Variants in JPH2 observed in about 807,000 individuals in gnomAD.
JPH2 encodes the protein junctophilin-2.
Under a neutral mutation model 55.9 loss-of-function variants are expected in JPH2, and 38 were observed. That is an observed-to-expected ratio of 0.68 (90% CI 0.52 to 0.89). The LOEUF (loss-of-function observed/expected upper bound fraction) is 0.89, where lower values mean the gene tolerates loss of function less well. JPH2 is among the 40% of genes least tolerant of loss of function. The pLI is 0.00. For synonymous variants in JPH2, 480 were observed against 472.4 expected, an observed-to-expected ratio of 1.02 and a Z score of -0.21; for missense variants, 964 against 1,037.6, an observed-to-expected ratio of 0.93 and a Z score of 0.97.
chr20:44,179,996 G>GA (rs1366713092), intron 1 of JPH2, among the ~76,000 whole-genome samples: 4 of 152,220 alleles, frequency 2.6e-5, no homozygotes, highest in African/African-American at 4.8e-5. Context: ...AAGGCAGGGG[G>GA]ATCACCTGAG....
At chr20:44,131,853 T>C (rs2072321418) in intron 2 of JPH2, among the ~76,000 whole-genome samples, 1 of 152,208 alleles carries the variant, frequency 6.6e-6, no homozygotes, top group African/African-American at 2.4e-5. Flanking sequence ...CTGGAAACTT[T>C]TGTCCCCAGA....
In JPH2 at chr20:44,118,545, G is replaced by C; in HGVS notation, c.1248C>G (p.Arg416=). 3 of 1,613,372 alleles carry C rather than the reference G, an allele frequency of 1.9e-6. No homozygotes were observed. Among genetic ancestry groups the C allele is most frequent in the Non-Finnish European group, 2.5e-6 (3 of 1,180,036 alleles). Residue 416 remains arginine, a synonymous_variant, in exon 3 of 6, where the codon CGC becomes CGG. Transcript: ENST00000372980. ...LAANQESNIA[R]TLARELAPDF... is the part of the protein sequence containing the mutation. The stretch of plus-strand genomic sequence containing the variant: ...CCGGAGCCAGCTCCCTGGCCAAAGT[G>C]CGAGCAATGTTGGACTCCTGGTTGG...
chr20:44,123,638 C>A (rs370405194), intron 2 of JPH2, among the ~76,000 whole-genome samples: 8 of 152,336 alleles, frequency 5.3e-5, no homozygotes, highest in African/African-American at 1.9e-4. Flanking sequence ...GAGGCTATTG[C>A]TTCTAGGCCA....
intron 2 of JPH2, among the ~76,000 whole-genome samples, chr20:44,158,229 G>C (rs1476186390): frequency 6.6e-6 from 1 of 152,212 alleles, no homozygotes; most frequent in Non-Finnish European, 1.5e-5. Flanking sequence ...GGCTTGACCT[G>C]AGCCCTGAAG....
rs1180973416 is a variant in JPH2, at chr20:44,132,347, GACAGACAGACACACACACACACACAC to G, written c.1170-13750_1170-13725del. ...CTGTGAATGAGGTGGAAGGGAGGCA[GACAGACAGACACACACACACACACAC>G]ACACACACACACACACACACACACA... On this transcript the variant is annotated intron_variant, in intron 2 of 5. Transcript: ENST00000372980. Among the ~76,000 whole-genome samples, 7 of 88,828 alleles carry G rather than the reference GACAGACAGACACACACACACACACAC, an allele frequency of 7.9e-5. No individual in the cohort carries two copies. The East Asian group carries it at 2.4e-3, about 30-fold the overall frequency. 58.3% of individuals were successfully genotyped at this position (88,828 alleles called of 152,430 possible).
At chr20:44,126,979 C>T (rs1000246287) in intron 2 of JPH2, among the ~76,000 whole-genome samples, 2 of 152,210 alleles carry the variant, frequency 1.3e-5, no homozygotes, top group African/African-American at 4.8e-5. Context: ...TTAGCATGAA[C>T]TGAGCACGTA....
chr20:44,175,702 G>A (rs904767730), intron 1 of JPH2, among the ~76,000 whole-genome samples: 1 of 152,212 alleles, frequency 6.6e-6, no homozygotes. Context: ...ATGCCCCGTG[G>A]CTCACCCCCA....
At position 44,110,764 on chromosome 20, in the gene JPH2, T is replaced by A. The variant is rs1229280365; in HGVS notation, c.*2754A>T. On this transcript the variant is annotated 3_prime_UTR_variant, in exon 6 of 6. Coordinates refer to ENST00000372980, the MANE Select transcript of JPH2 (RefSeq NM_020433.5). ...CTCTTTATCACCATAATCTATCTCA[T>A]TTGAGCCTCACAACTGCATTGCCTA... Among the ~76,000 whole-genome samples the A allele has an allele frequency of 6.6e-6, 1 of 152,152 alleles. No homozygotes were observed. The highest frequency in any genetic ancestry group is 1.5e-5 in the Non-Finnish European group (1 of 68,018).
At chr20:44,177,913 G>A in intron 1 of JPH2, 1 of 1,486,478 alleles carries the variant, frequency 6.7e-7, no homozygotes, top group African/African-American at 1.4e-5. Context: ...ATGATGCTCA[G>A]TGCTTCATTG....
rs1255160215 is a variant in JPH2 at position 44,160,262 on chromosome 20, C to T, written c.525G>A (p.Val175=). Residue 175 remains valine (V), a synonymous_variant, in exon 2 of 6, where the codon GTG becomes GTA. Transcript: ENST00000372980. This position sits in a 1 kb window ranked among gnomAD's most constrained non-coding sequence, Gnocchi z 4.9. The part of the protein sequence containing the change: ...SLRSEHSNGT[V]APDSPASPAS... ...CCGGCGAGGCGGGAGAGTCCGGGGCCACCGTGCCGTTGCTGTGCTCGCTGC... is the reference window on the plus strand; with the variant it reads ...CCGGCGAGGCGGGAGAGTCCGGGGCTACCGTGCCGTTGCTGTGCTCGCTGC... The T allele has an allele frequency of 1.3e-6, 2 of 1,530,702 alleles. No individual in the cohort carries two copies. The allele number at this position is 1,530,702 out of a possible 1,614,324, so 94.8% of individuals were successfully genotyped here. A position where few individuals can be genotyped will look rare whatever the true frequency, so the allele number is the denominator to read the frequency against.
At position 44,115,685 on chromosome 20, in the gene JPH2, C is replaced by A. The variant is rs886039086; in HGVS notation, c.1990G>T (p.Ala664Ser). 1.2e-6 allele frequency: 2 copies of A among 1,613,022 alleles called. No individual in the cohort carries two copies. Among genetic ancestry groups the A allele is most frequent in the South Asian group, 2.2e-5 (2 of 91,036 alleles). ...CTCACCTCTTCCACCTCCACCTCCG[C>A]CTCTGCCGCCAGTGCGGCCTCCTTC... ...ARKEAALAAE[A>S]EVEVEEVPNT... The change falls in exon 4 of 6, where the codon GCG (alanine) becomes TCG (serine). Residue 664 changes from alanine to serine, a missense_variant. Ala to Ser is a moderately conservative substitution (Grantham distance 99). Coordinates refer to ENST00000372980, the MANE Select transcript of JPH2 (RefSeq NM_020433.5).
rs774393666 is a variant in JPH2 at position 44,126,168 on chromosome 20, G to GAGGAAGGAAGGAAGGAAGGAAGGAAGGA, written c.1170-7546_1170-7545insTCCTTCCTTCCTTCCTTCCTTCCTTCCT. ...GGAGGGAGGGAGGGAGGGAGGGAGGGAGGAAGGAAGGAAGGAAGGAAGGGA... is the reference window on the plus strand; with the variant it reads ...GGAGGGAGGGAGGGAGGGAGGGAGGGAGGAAGGAAGGAAGGAAGGAAGGAAGGAAGGAAGGAAGGAAGGAAGGAAGGGA... On this transcript the variant is annotated intron_variant, in intron 2 of 5. Coordinates refer to ENST00000372980, the MANE Select transcript of JPH2 (RefSeq NM_020433.5). Among the ~76,000 whole-genome samples, 18 of 36,306 alleles carry GAGGAAGGAAGGAAGGAAGGAAGGAAGGA rather than the reference G, an allele frequency of 5.0e-4. No individual in the cohort carries two copies. In the East Asian group the frequency reaches 5.5e-3, roughly 11 times the overall value. 23.8% of individuals were successfully genotyped at this position (36,306 alleles called of 152,430 possible). A position where few individuals can be genotyped will look rare whatever the true frequency, so the allele number is the denominator to read the frequency against.
intron 1 of JPH2, among the ~76,000 whole-genome samples, chr20:44,165,268 T>G (rs183523578): frequency 1.1e-3 from 161 of 147,674 alleles, no homozygotes; most frequent in African/African-American, 4.0e-3. Flanking sequence ...TGTAAATAAA[T>G]AAATTGTAAA....
At chr20:44,177,945 A>G (rs898074784) in intron 1 of JPH2, 2 of 1,349,102 alleles carry the variant, frequency 1.5e-6, no homozygotes, top group Non-Finnish European at 2.1e-6. Flanking sequence ...TGTCTCGACC[A>G]TATTCTGAGG....
intron 4 of JPH2, 124 bp downstream of exon 4, chr20:44,115,538 CCTG>C (rs1334588963): frequency 1.7e-5 from 22 of 1,280,282 alleles, no homozygotes; most frequent in Non-Finnish European, 2.4e-5. Context: ...AGCATTTCCT[CCTG>C]CTCTATCCTG....
chr20:44,162,781 T>TACACACACAC (rs1192452736), intron 1 of JPH2, among the ~76,000 whole-genome samples: 2 of 70,040 alleles, frequency 2.9e-5, no homozygotes, highest in African/African-American at 1.2e-4. Context: ...TATATATATA[T>TACACACACAC]ATATATACAC....
intron 2 of JPH2, among the ~76,000 whole-genome samples, chr20:44,152,609 T>C (rs556385116): frequency 6.6e-6 from 1 of 152,264 alleles, no homozygotes; most frequent in East Asian, 1.9e-4. Context: ...TAAATAAAAA[T>C]TAAATAAGCA....
chr20:44,181,048 G>T (rs776967642), intron 1 of JPH2, among the ~76,000 whole-genome samples: 10 of 152,102 alleles, frequency 6.6e-5, no homozygotes, highest in Non-Finnish European at 1.3e-4. Flanking sequence ...GGCTATAGGA[G>T]GGGGAGGGGT....
At chr20:44,180,096 T>C (rs1248760516) in intron 1 of JPH2, among the ~76,000 whole-genome samples, 1 of 152,230 alleles carries the variant, frequency 6.6e-6, no homozygotes, top group Non-Finnish European at 1.5e-5. Flanking sequence ...CACATGCCTG[T>C]AGTCACAGCT....
Sources: gnomAD v4.1 joint callset for allele counts (sites outside exome capture counted in the v4.1 genomes callset) on GRCh38, gnomAD v4.1.1 for gene constraint, Gnocchi (gnomAD v3.1) non-coding constraint, MANE v1.5 for transcripts, NCBI Gene and HGNC (gene_info 2026-07-23, HGNC 2026-07-21) for gene names.